RALA: variants seen among roughly 807,000 people sequenced by gnomAD.
RALA encodes RAS like proto-oncogene A, also known as ras-related protein Ral-A.
In RALA, 5 loss-of-function variants were observed where a neutral mutation model predicts 24.0. That is an observed-to-expected ratio of 0.21 (90% CI 0.11 to 0.44). The LOEUF (loss-of-function observed/expected upper bound fraction) is 0.44. Among genes scored for constraint, RALA ranks in the 20% least tolerant of loss-of-function variants. The pLI is 0.99. For synonymous variants in RALA, 77 were observed against 83.8 expected (o/e 0.92, Z 0.44); for missense variants, 95 against 241.2 (o/e 0.39, Z 4.01).
At chr7:39,697,948 A>AGT (rs370929636) in intron 4 of RALA, among the ~76,000 whole-genome samples, 39,187 of 148,660 alleles carry the variant, frequency 0.26, 5,324 homozygotes, top group East Asian at 0.55. Flanking sequence ...GACTAGGGCA[A>AGT]GTGTGTGTGT....
intron 4 of RALA, among the ~76,000 whole-genome samples, chr7:39,698,136 CAG>C (rs148570662): frequency 6.6e-6 from 1 of 151,890 alleles, no homozygotes; most frequent in Non-Finnish European, 1.5e-5. Context: ...CCTCACATGA[CAG>C]AGAGAGAGAG....
chr7:39,702,381 C>T (rs555250599), intron 4 of RALA, among the ~76,000 whole-genome samples: 7 of 152,206 alleles, frequency 4.6e-5, no homozygotes, highest in South Asian at 4.1e-4. Context: ...TATACACACA[C>T]GTAATATATT....
At chr7:39,626,289 G>C (rs1791484722) in intron 1 of RALA, among the ~76,000 whole-genome samples, 2 of 152,222 alleles carry the variant, frequency 1.3e-5, no homozygotes, top group South Asian at 4.1e-4. Flanking sequence ...ACTTCTGCAA[G>C]ACAGGTAGTT....
chr7:39,694,581 A>T (rs1388843203), intron 3 of RALA, among the ~76,000 whole-genome samples: 1 of 152,200 alleles, frequency 6.6e-6, no homozygotes, highest in African/African-American at 2.4e-5. Flanking sequence ...TAAATGAGAA[A>T]ATGTATGTAA....
intron 1 of RALA, among the ~76,000 whole-genome samples, chr7:39,686,242 A>G (rs897227496): frequency 4.6e-5 from 7 of 151,814 alleles, no homozygotes; most frequent in African/African-American, 1.7e-4. Flanking sequence ...CATCTCTTTA[A>G]TTATTGCCAA....
At position 39,707,368 on chromosome 7, in the gene RALA, T is replaced by G. The variant is rs1214603448; in HGVS notation, c.*1123T>G. On this transcript the variant is annotated 3_prime_UTR_variant, in exon 5 of 5. Transcript: ENST00000005257. Reference sequence around the variant, plus strand: ...AAATTTATATTCATAAAGTTACAGTTTGATACAGGAATTATTAGGAGTAAT... The same window carrying G: ...AAATTTATATTCATAAAGTTACAGTGTGATACAGGAATTATTAGGAGTAAT... The G allele has an allele frequency of 6.6e-6, 1 of 152,248 alleles. No homozygotes were observed. Among genetic ancestry groups the G allele is most frequent in the East Asian group, 1.9e-4 (1 of 5,204 alleles). The allele number at this position is 152,248 out of a possible 1,614,324, so 9.4% of individuals were successfully genotyped here. A position where few individuals can be genotyped will look rare whatever the true frequency, so the allele number is the denominator to read the frequency against.
intron 1 of RALA, among the ~76,000 whole-genome samples, chr7:39,653,176 TGCGCCACC>T (rs1792046653): frequency 1.6e-5 from 2 of 125,072 alleles, no homozygotes; most frequent in Middle Eastern, 3.7e-3. Flanking sequence ...ATTACAGGCA[TGCGCCACC>T]ATGCCTGGCT....
chr7:39,667,924 T>A (rs1325500938), intron 1 of RALA, among the ~76,000 whole-genome samples: 1 of 151,936 alleles, frequency 6.6e-6, no homozygotes, highest in African/African-American at 2.4e-5. Flanking sequence ...CTTCCTGATC[T>A]GTTGTGAGAA....
At position 39,707,170 on chromosome 7, in the gene RALA, T is replaced by G. The variant is rs1276852829; in HGVS notation, c.*925T>G. 1 of 152,478 alleles carries G rather than the reference T, an allele frequency of 6.6e-6. No homozygotes were observed. Among genetic ancestry groups the G allele is most frequent in the Non-Finnish European group, 1.5e-5 (1 of 68,028 alleles). The allele number at this position is 152,478 out of a possible 1,614,324, so 9.4% of individuals were successfully genotyped here. A position where few individuals can be genotyped will look rare whatever the true frequency, so the allele number is the denominator to read the frequency against. Reference sequence around the variant, plus strand: ...GCACCAGTTATGTTTGAATGAACCCTCCTTTTCTCTGAGATTCTGGTCCCT... The same window carrying G: ...GCACCAGTTATGTTTGAATGAACCCGCCTTTTCTCTGAGATTCTGGTCCCT... On this transcript the variant is annotated 3_prime_UTR_variant, in exon 5 of 5. Coordinates refer to ENST00000005257, the MANE Select transcript of RALA (RefSeq NM_005402.4).
At chr7:39,672,539 CAT>C (rs749693519) in intron 1 of RALA, among the ~76,000 whole-genome samples, 46 of 151,484 alleles carry the variant, frequency 3.0e-4, no homozygotes, top group East Asian at 5.9e-4. Context: ...AAAATGAAAA[CAT>C]GTGTAGACCT....
intron 2 of RALA, among the ~76,000 whole-genome samples, chr7:39,688,775 G>A (rs1041187649): frequency 1.2e-4 from 18 of 151,988 alleles, no homozygotes; most frequent in South Asian, 2.1e-4. Flanking sequence ...GGGTGTATCC[G>A]TCTGTTCTCA....
At chr7:39,633,515 A>G (rs973727221) in intron 1 of RALA, among the ~76,000 whole-genome samples, 15 of 152,218 alleles carry the variant, frequency 9.9e-5, no homozygotes, top group African/African-American at 3.4e-4. Context: ...CGAGAACAGC[A>G]TGGAGGAAAC....
chr7:39,627,663 T>C (rs1562604899), intron 1 of RALA, among the ~76,000 whole-genome samples: 1 of 152,200 alleles, frequency 6.6e-6, no homozygotes, highest in South Asian at 2.1e-4. Flanking sequence ...TTTTCTTATG[T>C]AGTTGAGAAG....
At chr7:39,683,450 C>T (rs559632930) in intron 1 of RALA, among the ~76,000 whole-genome samples, 13 of 152,270 alleles carry the variant, frequency 8.5e-5, no homozygotes, top group African/African-American at 2.9e-4. Context: ...CCCCCCATTG[C>T]TGTCTTATTT....
chr7:39,662,465 G>A (rs1291150542), intron 1 of RALA, among the ~76,000 whole-genome samples: 1 of 152,084 alleles, frequency 6.6e-6, no homozygotes, highest in Non-Finnish European at 1.5e-5. Flanking sequence ...CACCTTTTCA[G>A]TGCTTTGCTG....
chr7:39,701,340 A>C (rs566367674), intron 4 of RALA, among the ~76,000 whole-genome samples: 1 of 152,144 alleles, frequency 6.6e-6, no homozygotes, highest in Non-Finnish European at 1.5e-5. Flanking sequence ...GCAAAAGCCT[A>C]TCTCTACAAA....
chr7:39,689,481 C>T (rs1792776713), intron 2 of RALA, among the ~76,000 whole-genome samples: 1 of 152,064 alleles, frequency 6.6e-6, no homozygotes, highest in Non-Finnish European at 1.5e-5. Flanking sequence ...TATGCAAGGT[C>T]CCTGCTCTGA....
At chr7:39,627,672 A>G (rs1791517744) in intron 1 of RALA, among the ~76,000 whole-genome samples, 2 of 152,226 alleles carry the variant, frequency 1.3e-5, no homozygotes, top group Non-Finnish European at 2.9e-5. Flanking sequence ...GTAGTTGAGA[A>G]GCTAACATAG....
chr7:39,646,579 G>C (rs958158952), intron 1 of RALA, among the ~76,000 whole-genome samples: 1 of 151,924 alleles, frequency 6.6e-6, no homozygotes, highest in Non-Finnish European at 1.5e-5. Flanking sequence ...AGTGAGCCAT[G>C]TTCTTGCTGT....
Sources: gnomAD v4.1 joint callset for allele counts (sites outside exome capture counted in the v4.1 genomes callset) on GRCh38, gnomAD v4.1.1 for gene constraint, MANE v1.5 for transcripts, NCBI Gene and HGNC (gene_info 2026-07-23, HGNC 2026-07-21) for gene names.